Variants in CCNI observed in about 807,000 individuals in gnomAD.
CCNI encodes cyclin I, also known as cyclin-I.
CCNI carries 14 observed loss-of-function variants against 34.1 expected under a neutral mutation model. That is an observed-to-expected ratio of 0.41 (90% CI 0.27 to 0.64). The LOEUF (loss-of-function observed/expected upper bound fraction) is 0.64. CCNI is among the 30% of genes least tolerant of loss of function. The pLI, the probability that CCNI is intolerant of heterozygous loss-of-function variation, is 0.31. For missense variants in CCNI, 385 were observed against 440.5 expected (o/e 0.87, Z 1.13); for synonymous variants, 154 against 158.4 (o/e 0.97, Z 0.21).
At chr4:77,066,540 G>A (rs1044257986) in intron 1 of CCNI, 135 bp from the exon 2 acceptor site, 33 of 576,572 alleles carry the variant, frequency 5.7e-5, no homozygotes, top group South Asian at 2.4e-4. Flanking sequence ...TTAAAATATC[G>A]TATTAAAATA....
At position 77,056,001 on chromosome 4, in the gene CCNI, C is replaced by A. The variant is rs1553984860; in HGVS notation, c.420G>T (p.Trp140Cys). 1 of 1,612,990 alleles carries A rather than the reference C, an allele frequency of 6.2e-7. No homozygotes were observed. The highest frequency in any genetic ancestry group is 8.5e-7 in the Non-Finnish European group (1 of 1,179,416). ...MERIILDKLN[W>C]DLHTATPLDF... ...CCAATGGTGTGGCTGTGTGAAGATC[C>A]CAATTCAACTTATCCAGAATAATTC... is the stretch of plus-strand genomic sequence containing the variant. Residue 140 changes from tryptophan to cysteine, a missense_variant, in exon 5 of 7, where the codon TGG becomes TGT. By Grantham distance (215) the Trp-to-Cys change is radical. Around this residue, in one of 2 missense-constraint regions of CCNI, gnomAD observed 135 missense variants for 191.8 expected, o/e 0.70. Coordinates refer to ENST00000237654, the MANE Select transcript of CCNI (RefSeq NM_006835.3).
At chr4:77,067,699 G>A (rs1321801218) in intron 1 of CCNI, among the ~76,000 whole-genome samples, 1 of 130,586 alleles carries the variant, frequency 7.7e-6, no homozygotes, top group Non-Finnish European at 1.6e-5. Context: ...ATGCAGTTTT[G>A]CTATGTTGCC....
intron 4 of CCNI, 56 bp downstream of exon 4, chr4:77,056,193 A>G (rs1279314280): frequency 6.3e-7 from 1 of 1,594,592 alleles, no homozygotes; most frequent in African/African-American, 1.3e-5. Flanking sequence ...AAGCAAGTTA[A>G]TAAATGTGGA....
chr4:77,060,956 A>T (rs1728562057), intron 2 of CCNI, among the ~76,000 whole-genome samples: 1 of 151,830 alleles, frequency 6.6e-6, no homozygotes. Flanking sequence ...ACGAGGTCTC[A>T]CTATGTTACC....
chr4:77,072,360 G>T lies in CCNI; in HGVS notation c.-44+3112C>A, dbSNP rs1729534918. Among the ~76,000 whole-genome samples, 3 of 148,870 alleles carry T rather than the reference G, an allele frequency of 2.0e-5. No homozygotes were observed. The South Asian group carries it at 6.4e-4, about 32-fold the overall frequency. On this transcript the variant is annotated intron_variant, in intron 1 of 6. Coordinates refer to ENST00000237654, the MANE Select transcript of CCNI (RefSeq NM_006835.3). ...AGGCAGGGCATGGTGGCACCTGCTTGTGATCCCAGAACTTTGTGAGGCAGG... is the reference window on the plus strand; with the variant it reads ...AGGCAGGGCATGGTGGCACCTGCTTTTGATCCCAGAACTTTGTGAGGCAGG...
chr4:77,060,334 C>T (rs1019367297), intron 2 of CCNI, among the ~76,000 whole-genome samples: 1 of 152,194 alleles, frequency 6.6e-6, no homozygotes, highest in African/African-American at 2.4e-5. Context: ...TTTCCCACCT[C>T]TAAACTACCC....
chr4:77,056,322 G>C lies in CCNI; in HGVS notation c.245C>G (p.Ala82Gly). The C allele has an allele frequency of 6.2e-7, 1 of 1,611,860 alleles. No homozygotes were observed. Among genetic ancestry groups the C allele is most frequent in the Non-Finnish European group, 8.5e-7 (1 of 1,178,188 alleles). The change falls in exon 4 of 7, where the codon GCT becomes GGT. Residue 82 changes from alanine (A) to glycine (G), a missense_variant and splice_region_variant. Physicochemically the swap from Ala to Gly is moderately conservative, Grantham distance 60. Coordinates refer to ENST00000237654, the MANE Select transcript of CCNI (RefSeq NM_006835.3). ...LLDRFLATVK[A>G]HPKYLSCIAI... Reference sequence around the variant, plus strand: ...AATACAACTCAAGTATTTTGGATGAGCCTAAAATTTTGAAGAGGGAAAAAG... The same window carrying C: ...AATACAACTCAAGTATTTTGGATGACCCTAAAATTTTGAAGAGGGAAAAAG...
intron 6 of CCNI, among the ~76,000 whole-genome samples, chr4:77,052,128 C>T (rs928588876): frequency 6.6e-6 from 1 of 151,940 alleles, no homozygotes; most frequent in Non-Finnish European, 1.5e-5. Context: ...CTCCCTCCCC[C>T]TTCTAGTAGT....
intron 6 of CCNI, among the ~76,000 whole-genome samples, chr4:77,053,029 C>T (rs906568385): frequency 3.9e-5 from 6 of 152,192 alleles, no homozygotes; most frequent in African/African-American, 7.2e-5. Context: ...TTTCAAACTA[C>T]GTCCAAAGAC....
chr4:77,063,345 A>T (rs113527218), intron 2 of CCNI, among the ~76,000 whole-genome samples: 2,471 of 31,656 alleles, frequency 0.078, 41 homozygotes, highest in East Asian at 0.28. Context: ...AAAGGGAGGT[A>T]AAAAAAAAAA....
At position 77,056,338 on chromosome 4, in the gene CCNI, A is replaced by AG. The variant is rs1560773598; in HGVS notation, c.244-16dup. On this transcript the variant is annotated splice_polypyrimidine_tract_variant and intron_variant, in intron 3 of 6. Transcript: ENST00000237654. ...TTTGGATGAGCCTAAAATTTTGAAG[A>AG]GGGAAAAAGCAACTTTAGTGATTTT... The AG allele has an allele frequency of 6.3e-7, 1 of 1,595,004 alleles. No homozygotes were observed. Among genetic ancestry groups the AG allele is most frequent in the East Asian group, 2.2e-5 (1 of 44,768 alleles).
chr4:77,064,014 G>A (rs1241676500), intron 2 of CCNI, among the ~76,000 whole-genome samples: 4 of 152,118 alleles, frequency 2.6e-5, no homozygotes, highest in Non-Finnish European at 4.4e-5. Flanking sequence ...TGCTGGGGCA[G>A]GAAGATCATC....
chr4:77,075,628 G>C lies in CCNI; in HGVS notation c.-200C>G, dbSNP rs571660868. On this transcript the variant is annotated 5_prime_UTR_variant, in exon 1 of 7. Coordinates refer to ENST00000237654, the MANE Select transcript of CCNI (RefSeq NM_006835.3). ...CTCGGCCAACTGAGGAGGGAGAAAG[G>C]GGAAGCGGATCGGGGGGCGCGGGCG... 7.7e-5 allele frequency: 73 copies of C among 954,058 alleles called. No homozygotes were observed. The highest frequency in any genetic ancestry group is 9.0e-5 in the Non-Finnish European group (72 of 800,530). 59.1% of individuals were successfully genotyped at this position (954,058 alleles called of 1,614,324 possible). A position where few individuals can be genotyped will look rare whatever the true frequency, so the allele number is the denominator to read the frequency against.
At chr4:77,070,639 A>G (rs1308917095) in intron 1 of CCNI, among the ~76,000 whole-genome samples, 1 of 152,114 alleles carries the variant, frequency 6.6e-6, no homozygotes, top group Non-Finnish European at 1.5e-5. Context: ...ATCTTCAACA[A>G]TTTGGTAGGC....
intron 6 of CCNI, among the ~76,000 whole-genome samples, chr4:77,053,126 C>T (rs1319341044): frequency 6.6e-6 from 1 of 151,480 alleles, no homozygotes; most frequent in Non-Finnish European, 1.5e-5. Flanking sequence ...GGAGATCTGC[C>T]CTTAAACACA....
rs773673592 is a variant in CCNI at position 77,055,818 on chromosome 4, T to C, written c.459+144A>G. ...AATTAAGCTTCAGTGATATGACATA[T>C]ATACTAATTTATAATTTTTCCTTGG... On this transcript the variant is annotated intron_variant, in intron 5 of 6. Transcript: ENST00000237654. 3 of 679,376 alleles carry C rather than the reference T, an allele frequency of 4.4e-6. No homozygotes were observed. In the Admixed American group the frequency reaches 9.2e-5, roughly 21 times the overall value. The allele number at this position is 679,376 out of a possible 1,614,324, so 42.1% of individuals were successfully genotyped here. A position where few individuals can be genotyped will look rare whatever the true frequency, so the allele number is the denominator to read the frequency against.
At chr4:77,075,223 G>A (rs1729815943) in intron 1 of CCNI, 1 of 152,198 alleles carries the variant, frequency 6.6e-6, no homozygotes, top group Non-Finnish European at 1.5e-5. Context: ...CAGAAAAACT[G>A]GCCCGAAAAG....
intron 2 of CCNI, chr4:77,065,150 T>G (rs1347446620): frequency 2.0e-5 from 3 of 152,250 alleles, no homozygotes. Flanking sequence ...AAGAATGTAT[T>G]TCTTTAGCTT....
intron 2 of CCNI, among the ~76,000 whole-genome samples, chr4:77,059,401 T>C (rs558536096): frequency 6.6e-6 from 1 of 151,332 alleles, no homozygotes; most frequent in South Asian, 2.1e-4. Context: ...CTTACAGCTC[T>C]TTCAAACTGT....
Sources: allele counts gnomAD v4.1 joint callset (sites outside exome capture counted in the v4.1 genomes callset), GRCh38; gene constraint gnomAD v4.1.1; regional missense constraint gnomAD v4.1.1; transcripts MANE v1.5; gene names NCBI Gene and HGNC (gene_info 2026-07-23, HGNC 2026-07-21).